The following SLC30A8 variants were observed in gnomAD, a reference collection of about 807,000 sequenced individuals.
SLC30A8 encodes proton-coupled zinc antiporter SLC30A8.
SLC30A8 carries 27 observed loss-of-function variants against 36.9 expected under a neutral mutation model. The ratio of observed to expected loss-of-function variants is 0.73; its 90% CI spans 0.54 to 1.01. SLC30A8 has a LOEUF of 1.01. Ranked by LOEUF, SLC30A8 falls within the 50% of genes least tolerant of loss-of-function variation. The pLI, the probability that SLC30A8 is intolerant of heterozygous loss-of-function variation, is 0.00. For missense variants in SLC30A8, 439 were observed against 452.0 expected, an observed-to-expected ratio of 0.97 and a Z score of 0.26; for synonymous variants, 164 against 172.4, an observed-to-expected ratio of 0.95 and a Z score of 0.38.
intron 1 of SLC30A8, among the ~76,000 whole-genome samples, chr8:116,996,589 C>G (rs748773074): frequency 1.3e-5 from 2 of 152,100 alleles, no homozygotes; most frequent in Non-Finnish European, 2.9e-5. Context: ...TTCTCTTTCT[C>G]TCTCTCCCTG....
chr8:117,086,440 C>G (rs1265856133), intron 2 of SLC30A8, among the ~76,000 whole-genome samples: 1 of 152,176 alleles, frequency 6.6e-6, no homozygotes, highest in African/African-American at 2.4e-5. Flanking sequence ...AAACTATGTG[C>G]ATCTATGTCT....
chr8:117,164,111 T>C (rs1822936054), intron 6 of SLC30A8: 1 of 152,298 alleles, frequency 6.6e-6, no homozygotes, highest in Non-Finnish European at 1.5e-5. Context: ...GGGAACAGGG[T>C]GCCACTAGGT....
At chr8:117,146,788 C>T (rs1336593287) in intron 1 of SLC30A8, 166 bp from the exon 2 acceptor site, 5 of 1,410,524 alleles carry the variant, frequency 3.5e-6, no homozygotes, top group Non-Finnish European at 4.6e-6. Context: ...AAATTTCTAG[C>T]TTGTTTCTAA....
At chr8:117,151,598 T>C (rs1386235223) in intron 2 of SLC30A8, among the ~76,000 whole-genome samples, 3 of 152,328 alleles carry the variant, frequency 2.0e-5, no homozygotes, top group African/African-American at 7.2e-5. Context: ...CTCAGGTGCC[T>C]CCTGCCTCAG....
At chr8:117,012,724 TACACACACACAC>T (rs376889831) in intron 1 of SLC30A8, among the ~76,000 whole-genome samples, 20 of 126,390 alleles carry the variant, frequency 1.6e-4, no homozygotes, top group Admixed American at 9.1e-4. Context: ...GACATATGTA[TACACACACACAC>T]ACACACACAC....
At chr8:117,052,683 G>A (rs1817747304) in intron 2 of SLC30A8, among the ~76,000 whole-genome samples, 1 of 152,142 alleles carries the variant, frequency 6.6e-6, no homozygotes, top group African/African-American at 2.4e-5. Context: ...GTAACCTTGG[G>A]ATTCTACATA....
At chr8:117,062,556 C>T (rs1818052364) in intron 2 of SLC30A8, among the ~76,000 whole-genome samples, 1 of 152,226 alleles carries the variant, frequency 6.6e-6, no homozygotes, top group Admixed American at 6.5e-5. Context: ...ATCCAAACAC[C>T]TCTCACCAGG....
chr8:117,063,312 G>C (rs940116178), intron 2 of SLC30A8, among the ~76,000 whole-genome samples: 5 of 152,006 alleles, frequency 3.3e-5, no homozygotes, highest in African/African-American at 1.2e-4. Flanking sequence ...AGGATTTTGC[G>C]TGGGTCAGCC....
At chr8:117,022,499 A>G (rs558421845) in intron 1 of SLC30A8, among the ~76,000 whole-genome samples, 1 of 152,344 alleles carries the variant, frequency 6.6e-6, no homozygotes, top group South Asian at 2.1e-4. Flanking sequence ...AATTAGAAGG[A>G]GACAATCTCA....
At chr8:116,970,111 T>C (rs909679689) in intron 1 of SLC30A8, among the ~76,000 whole-genome samples, 1 of 152,106 alleles carries the variant, frequency 6.6e-6, no homozygotes, top group African/African-American at 2.4e-5. Flanking sequence ...TATATTCTTA[T>C]TCTATAATTT....
intron 7 of SLC30A8, 115 bp from the exon 8 acceptor site, chr8:117,172,421 C>A: frequency 7.2e-7 from 1 of 1,397,786 alleles, no homozygotes. Flanking sequence ...CCTCTGAGTG[C>A]CCTGCCTCTG....
At chr8:117,023,294 A>G (rs1217314867) in intron 1 of SLC30A8, among the ~76,000 whole-genome samples, 10 of 152,196 alleles carry the variant, frequency 6.6e-5, no homozygotes, top group Non-Finnish European at 1.5e-4. Context: ...TAGTTCAACC[A>G]TTGTGGAAGT....
intron 1 of SLC30A8, among the ~76,000 whole-genome samples, chr8:117,146,593 T>C (rs1298065423): frequency 6.6e-6 from 1 of 151,270 alleles, no homozygotes; most frequent in Non-Finnish European, 1.5e-5. Context: ...TTTATTTTAT[T>C]ATTATTTTTT....
chr8:117,019,061 G>T (rs756481659), intron 1 of SLC30A8, among the ~76,000 whole-genome samples: 6 of 152,096 alleles, frequency 3.9e-5, no homozygotes, highest in African/African-American at 9.7e-5. Context: ...AAGTAGTCTT[G>T]GTTTCATCTT....
Position 117,005,686 on chromosome 8 carries a change from C to T in SLC30A8, c.-265-33533C>T, listed in dbSNP as rs560922578. 1.1e-4 allele frequency among the ~76,000 whole-genome samples: 16 copies of T among 152,304 alleles called. No individual in the cohort carries two copies. The South Asian group carries it at 2.3e-3, about 22-fold the overall frequency. ...AAGCAGCTATCCCATTTTACATTACCACATTCTTTCAAAATAGCTATTTAT... is the reference window on the plus strand; with the variant it reads ...AAGCAGCTATCCCATTTTACATTACTACATTCTTTCAAAATAGCTATTTAT... On this transcript the variant is annotated intron_variant, in intron 1 of 10. Transcript: ENST00000427715.
intron 2 of SLC30A8, among the ~76,000 whole-genome samples, chr8:117,049,026 A>AT (rs1222470677): frequency 6.6e-6 from 1 of 152,202 alleles, no homozygotes. Flanking sequence ...ATATATCTTG[A>AT]TTTGAAAGAC....
chr8:117,128,327 A>G (rs1474786395), intron 2 of SLC30A8: 1 of 152,086 alleles, frequency 6.6e-6, no homozygotes, highest in African/African-American at 2.4e-5. Context: ...AGCAGCTGCC[A>G]CAGGAAAGGA....
intron 1 of SLC30A8, among the ~76,000 whole-genome samples, chr8:116,982,073 G>C (rs1815287049): frequency 6.6e-6 from 1 of 152,128 alleles, no homozygotes; most frequent in Non-Finnish European, 1.5e-5. Context: ...AACCTTGCCA[G>C]AATCTGTTAT....
At chr8:116,974,951 C>T (rs1016405036) in intron 1 of SLC30A8, among the ~76,000 whole-genome samples, 2 of 147,008 alleles carry the variant, frequency 1.4e-5, no homozygotes, top group African/African-American at 5.0e-5. Context: ...AAACCAAACA[C>T]TGCATGTTCT....
Sources: gnomAD v4.1 joint callset for allele counts (sites outside exome capture counted in the v4.1 genomes callset) on GRCh38, gnomAD v4.1.1 for gene constraint, MANE v1.5 for transcripts, NCBI Gene and HGNC (gene_info 2026-07-23, HGNC 2026-07-21) for gene names.